Variants in CTNNA3 observed in about 807,000 individuals in gnomAD.
CTNNA3 encodes catenin alpha-3.
A neutral mutation model predicts 95.7 loss-of-function variants in CTNNA3; 76 were observed. The observed-to-expected ratio is 0.79, with a 90% CI of 0.66 to 0.96. CTNNA3 has a LOEUF of 0.96. Ranked by LOEUF, CTNNA3 falls within the 40% of genes least tolerant of loss-of-function variation. The probability of loss-of-function intolerance (pLI) is 0.00; values close to 1 mark genes in which losing one functional copy is unlikely to be tolerated. For missense variants in CTNNA3, 1,191 were observed against 1,089.8 expected, an observed-to-expected ratio of 1.09 and a Z score of -1.31; for synonymous variants, 431 against 374.4, an observed-to-expected ratio of 1.15 and a Z score of -1.74.
chr10:66,122,345 G>A (rs1259262977), intron 13 of CTNNA3, among the ~76,000 whole-genome samples: 6 of 152,240 alleles, frequency 3.9e-5, no homozygotes, highest in Non-Finnish European at 8.8e-5. Context: ...CATCCAAGGA[G>A]TGTGGAACAA....
intron 13 of CTNNA3, among the ~76,000 whole-genome samples, chr10:66,118,794 AG>A (rs770755059): frequency 2.6e-5 from 4 of 152,144 alleles, no homozygotes; most frequent in Non-Finnish European, 4.4e-5. Flanking sequence ...AAGATGAAAA[AG>A]CATGCCATAT....
exon 1 of CTNNA3, among the ~76,000 whole-genome samples, chr10:67,763,448 T>A (rs936517385): frequency 6.6e-6 from 1 of 152,140 alleles, no homozygotes. Context: ...TCAAGTGGAG[T>A]CACAACATAG....
intron 1 of CTNNA3, among the ~76,000 whole-genome samples, chr10:67,757,129 A>AGCAATGTATC (rs1451357033): frequency 1.3e-5 from 2 of 152,248 alleles, no homozygotes; most frequent in African/African-American, 4.8e-5. Flanking sequence ...TGACAGAAAC[A>AGCAATGTATC]TGGAATAGAG....
intron 10 of CTNNA3, among the ~76,000 whole-genome samples, chr10:66,601,836 C>G (rs1009091907): frequency 6.6e-6 from 1 of 151,790 alleles, no homozygotes. Context: ...TTTCCCAGAT[C>G]GTCGCCCCAA....
intron 5 of CTNNA3, among the ~76,000 whole-genome samples, chr10:67,508,812 AAAAAG>A (rs1338454441): frequency 7.9e-5 from 12 of 152,186 alleles, no homozygotes; most frequent in Non-Finnish European, 1.5e-4. Flanking sequence ...CTCAAAAGCA[AAAAAG>A]AAAAGAAAAG....
intron 11 of CTNNA3, among the ~76,000 whole-genome samples, chr10:66,395,794 A>T (rs2092971117): frequency 6.6e-6 from 1 of 151,922 alleles, no homozygotes; most frequent in East Asian, 1.9e-4. Context: ...TGTAATTTTT[A>T]TTTATTTATT....
At chr10:67,739,338 A>G (rs1052267136) in intron 1 of CTNNA3, among the ~76,000 whole-genome samples, 3 of 152,170 alleles carry the variant, frequency 2.0e-5, no homozygotes, top group Non-Finnish European at 2.9e-5. Context: ...AATAAAGGGT[A>G]TTCAATTAGG....
chr10:67,294,580 T>C (rs1277522048), intron 5 of CTNNA3, among the ~76,000 whole-genome samples: 1 of 152,122 alleles, frequency 6.6e-6, no homozygotes, highest in Non-Finnish European at 1.5e-5. Flanking sequence ...AAATTTATCA[T>C]GCACCTGAAA....
At chr10:67,697,336 C>G (rs1284204323), upstream of CTNNA3, among the ~76,000 whole-genome samples, 1 of 152,164 alleles carries the variant, frequency 6.6e-6, no homozygotes, top group Non-Finnish European at 1.5e-5. Context: ...TTATGTCTCT[C>G]AATCCATCTT....
chr10:67,201,619 T>C (rs973299022), intron 6 of CTNNA3, among the ~76,000 whole-genome samples: 1 of 152,196 alleles, frequency 6.6e-6, no homozygotes, highest in African/African-American at 2.4e-5. Flanking sequence ...AAGCTGAGAT[T>C]TTTGTTAACA....
chr10:65,980,608 AC>A (rs2078300068), intron 16 of CTNNA3, among the ~76,000 whole-genome samples: 1 of 151,976 alleles, frequency 6.6e-6, no homozygotes, highest in Non-Finnish European at 1.5e-5. Context: ...ATTCTAGCTA[AC>A]TAAATTCAAC....
chr10:67,193,612 C>T (rs10762147), intron 6 of CTNNA3, among the ~76,000 whole-genome samples: 55,584 of 151,792 alleles, frequency 0.37, 14,578 homozygotes, highest in African/African-American at 0.75. Flanking sequence ...TGTTACTGCT[C>T]CAGTTTGCTT....
At chr10:67,328,281 A>G (rs1238887356) in intron 5 of CTNNA3, among the ~76,000 whole-genome samples, 1 of 152,110 alleles carries the variant, frequency 6.6e-6, no homozygotes, top group East Asian at 1.9e-4. Context: ...TGCAGAAGCT[A>G]TGGTGTGGGA....
At chr10:66,085,009 C>G (rs2080926048) in intron 14 of CTNNA3, 1 of 152,172 alleles carries the variant, frequency 6.6e-6, no homozygotes, top group East Asian at 1.9e-4. Context: ...CAGAAAGTGA[C>G]AAAGCCCTCC....
chr10:67,001,997 A>C (rs976406209), intron 7 of CTNNA3, among the ~76,000 whole-genome samples: 48 of 152,300 alleles, frequency 3.2e-4, no homozygotes, highest in African/African-American at 1.1e-3. Context: ...TATGAGTCTT[A>C]GAGTCCGAAG....
chr10:66,084,765 T>G (rs554112046), intron 14 of CTNNA3: 1 of 152,190 alleles, frequency 6.6e-6, no homozygotes, highest in South Asian at 2.1e-4. Flanking sequence ...AATAAAATTG[T>G]TCGGGTCAAT....
intron 10 of CTNNA3, among the ~76,000 whole-genome samples, chr10:66,610,456 A>C (rs541443613): frequency 1.3e-5 from 2 of 152,160 alleles, no homozygotes; most frequent in African/African-American, 4.8e-5. Flanking sequence ...TTTCAATAAC[A>C]GTTTATTTAG....
At chr10:67,302,283 G>T (rs972842241) in intron 5 of CTNNA3, among the ~76,000 whole-genome samples, 1 of 152,082 alleles carries the variant, frequency 6.6e-6, no homozygotes, top group Non-Finnish European at 1.5e-5. Context: ...AGGAATGGGG[G>T]ATTGGGGAGA....
intron 5 of CTNNA3, among the ~76,000 whole-genome samples, chr10:67,437,466 TAATA>T (rs1292969210): frequency 6.0e-5 from 9 of 149,554 alleles, no homozygotes; most frequent in South Asian, 2.1e-4. Context: ...CCAATAAATT[TAATA>T]AATACCCCAA....
Sources: gnomAD v4.1 joint callset for allele counts (sites outside exome capture counted in the v4.1 genomes callset) on GRCh38, gnomAD v4.1.1 for gene constraint, MANE v1.5 for transcripts, NCBI Gene and HGNC (gene_info 2026-07-23, HGNC 2026-07-21) for gene names.